The following PBRM1 variants were observed in gnomAD, a reference collection of about 807,000 sequenced individuals.
PBRM1 encodes polybromo 1.
In PBRM1, 27 loss-of-function variants were observed where a neutral mutation model predicts 194.5. The ratio of observed to expected loss-of-function variants is 0.14; its 90% CI spans 0.10 to 0.19. The LOEUF (loss-of-function observed/expected upper bound fraction) is 0.19, where lower values mean the gene tolerates loss of function less well. PBRM1 is among the 10% of genes least tolerant of loss of function. The probability of loss-of-function intolerance (pLI) is 1.00; values close to 1 mark genes in which losing one functional copy is unlikely to be tolerated. For synonymous variants in PBRM1, 655 were observed against 693.2 expected (o/e 0.94, Z 0.87); for missense variants, 1,466 against 2,077.2 (o/e 0.71, Z 5.72).
intron 15 of PBRM1, 38 bp downstream of exon 17, chr3:52,615,313 T>C (rs367579644): frequency 7.4e-6 from 8 of 1,082,632 alleles, no homozygotes; most frequent in South Asian, 2.6e-5. Context: ...CTCTTCTTGA[T>C]AGACTAAACT....
exon 30 of PBRM1, chr3:52,548,227 GTCT>G: frequency 6.4e-7 from 1 of 1,569,696 alleles, no homozygotes; most frequent in Non-Finnish European, 8.6e-7. Flanking sequence ...TGGACGTCGC[GTCT>G]TCGAGCTGAA....
chr3:52,641,471 A>AAAAG (rs929168408), intron 10 of PBRM1, among the ~76,000 whole-genome samples: 1 of 151,114 alleles, frequency 6.6e-6, no homozygotes, highest in South Asian at 2.1e-4. Context: ...AAAGAAAAAA[A>AAAAG]AAAGAAAGAA....
chr3:52,643,215 G>A (rs1250423569), intron 9 of PBRM1, 33 bp downstream of exon 10: 1 of 1,432,660 alleles, frequency 7.0e-7, no homozygotes, highest in East Asian at 2.3e-5. Flanking sequence ...ATAAGCACAG[G>A]TCAACTCTCA....
intron 3 of PBRM1, among the ~76,000 whole-genome samples, chr3:52,667,801 T>C (rs1373106757): frequency 1.3e-5 from 2 of 148,294 alleles, no homozygotes; most frequent in African/African-American, 5.0e-5. Context: ...GGCTCATGTC[T>C]GTAGTCCCAG....
At chr3:52,603,425 C>T in intron 17 of PBRM1, 96 bp downstream of exon 19, 1 of 1,296,680 alleles carries the variant, frequency 7.7e-7, no homozygotes, top group African/African-American at 1.5e-5. Flanking sequence ...CCTGAGTTTT[C>T]ATTCATACAA....
chr3:52,614,653 C>G (rs2094855939), intron 15 of PBRM1, among the ~76,000 whole-genome samples: 1 of 151,492 alleles, frequency 6.6e-6, no homozygotes, highest in African/African-American at 2.4e-5. Context: ...TCACTGCAAC[C>G]TCCGCCTCCC....
chr3:52,584,442 T>C (rs2091995254), intron 20 of PBRM1, among the ~76,000 whole-genome samples: 1 of 148,672 alleles, frequency 6.7e-6, no homozygotes. Flanking sequence ...TGCAGAAAAG[T>C]ATTCTTGCTT....
At chr3:52,597,659 A>C (rs1226336290) in intron 17 of PBRM1, among the ~76,000 whole-genome samples, 1 of 152,076 alleles carries the variant, frequency 6.6e-6, no homozygotes, top group Non-Finnish European at 1.5e-5. Context: ...CCTGGGCTCA[A>C]GTGATCCAGC....
Position 52,672,821 on chromosome 3 carries a change from G to A in PBRM1, c.237-4176C>T, listed in dbSNP as rs537974033. ...TTGCCAGAGTTTTGAAGAGAATAGT[G>A]ATTATATTTTGACAGCAAGAGAGGA... On this transcript the variant is annotated intron_variant, in intron 2 of 29. Transcript: ENST00000296302. Among the ~76,000 whole-genome samples, 7 of 151,638 alleles carry A rather than the reference G, an allele frequency of 4.6e-5. No homozygotes were observed. In the East Asian group the frequency reaches 1.2e-3, roughly 25 times the overall value.
intron 17 of PBRM1, among the ~76,000 whole-genome samples, chr3:52,591,511 G>GTTTTTTTTTTTTTTTTTTT (rs57736913): frequency 1.4e-5 from 1 of 71,842 alleles, no homozygotes; most frequent in Non-Finnish European, 2.5e-5. Flanking sequence ...TTTTGTCTTT[G>GTTTTTTTTTTTTTTTTTTT]TTTTTTTTTT....
At chr3:52,631,139 G>A (rs554538363) in intron 11 of PBRM1, among the ~76,000 whole-genome samples, 20 of 151,842 alleles carry the variant, frequency 1.3e-4, no homozygotes, top group Non-Finnish European at 2.8e-4. Flanking sequence ...TTGTATACAG[G>A]ACCTCCAAAG....
intron 25 of PBRM1, 70 bp downstream of exon 27, chr3:52,561,697 C>G (rs999239016): frequency 5.3e-6 from 7 of 1,329,488 alleles, no homozygotes; most frequent in Admixed American, 1.7e-5. Context: ...AGAGTAAAAC[C>G]TGTCTGTGCG....
downstream of PBRM1, chr3:52,547,878 T>A: frequency 2.0e-6 from 1 of 504,842 alleles, no homozygotes. Flanking sequence ...TAAAGTCAAC[T>A]TAATATAACA....
At chr3:52,583,096 C>CAAAAA (rs1157790825) in intron 20 of PBRM1, among the ~76,000 whole-genome samples, 6 of 62,036 alleles carry the variant, frequency 9.7e-5, no homozygotes, top group Non-Finnish European at 1.3e-4. Flanking sequence ...GACTCCATCT[C>CAAAAA]AAAAAAAAAA....
At chr3:52,634,435 CAAAA>C (rs370025797) in intron 11 of PBRM1, among the ~76,000 whole-genome samples, 163 bp downstream of exon 12, 6 of 46,342 alleles carry the variant, frequency 1.3e-4, no homozygotes, top group East Asian at 6.0e-4. Context: ...GACTCCGTCT[CAAAA>C]AAAAAAAAAA....
At chr3:52,573,310 A>T in intron 22 of PBRM1, among the ~76,000 whole-genome samples, 1 of 151,446 alleles carries the variant, frequency 6.6e-6, no homozygotes, top group African/African-American at 2.4e-5. Context: ...TTTGTTACAT[A>T]GAGTCTCTTG....
chr3:52,678,574 A>G, exon 2 of PBRM1: 1 of 1,611,374 alleles, frequency 6.2e-7, no homozygotes, highest in Non-Finnish European at 8.5e-7. Context: ...GGATGGTATT[A>G]TAGAGTTCAT....
chr3:52,546,094 G>A, downstream of PBRM1: 1 of 232,996 alleles, frequency 4.3e-6, no homozygotes, highest in Non-Finnish European at 8.5e-6. Context: ...CTGGAGGAGA[G>A]CTCTGGCTTC....
intron 22 of PBRM1, among the ~76,000 whole-genome samples, chr3:52,573,290 C>T (rs867469885): frequency 2.7e-5 from 4 of 145,814 alleles, no homozygotes; most frequent in Admixed American, 6.9e-5. Flanking sequence ...TTCTTTCTTT[C>T]TTTTTTTTTT....
Sources: allele counts gnomAD v4.1 joint callset (sites outside exome capture counted in the v4.1 genomes callset), GRCh38; gene constraint gnomAD v4.1.1; transcripts MANE v1.5; gene names NCBI Gene and HGNC (gene_info 2026-07-23, HGNC 2026-07-21).